SATB2: variants seen among roughly 807,000 people sequenced by gnomAD.
SATB2 encodes the protein DNA-binding protein SATB2.
In SATB2, 1 loss-of-function variant was observed where a neutral mutation model predicts 73.4. The observed-to-expected ratio is 0.01, with a 90% CI of 0.00 to 0.06. The LOEUF is 0.06. SATB2 is among the 10% of genes least tolerant of loss of function. SATB2 has a pLI of 1.00. For synonymous variants in SATB2, 397 were observed against 367.0 expected (o/e 1.08, Z -0.93); for missense variants, 459 against 945.8 (o/e 0.49, Z 6.75).
Position 199,270,084 on chromosome 2 carries a change from C to T in SATB2, c.*2127G>A, listed in dbSNP as rs755293542. 1.3e-5 allele frequency: 2 copies of T among 152,674 alleles called. No homozygotes were observed. The highest frequency in any genetic ancestry group is 2.9e-5 in the Non-Finnish European group (2 of 68,010). The allele number at this position is 152,674 out of a possible 1,614,324, so 9.5% of individuals were successfully genotyped here. On this transcript the variant is annotated 3_prime_UTR_variant, in exon 11 of 11. Transcript: ENST00000417098. ...AGAAGACAATTTGGAAAGAGTAACT[C>T]GGAGATCAGGAAGCAGCAACCATGG...
chr2:199,420,164 A>T (rs1438725901), intron 3 of SATB2, among the ~76,000 whole-genome samples: 5 of 152,184 alleles, frequency 3.3e-5, no homozygotes, highest in African/African-American at 4.8e-5. Flanking sequence ...TATGTCACTT[A>T]GCCCATCTGT....
chr2:199,427,981 A>T (rs1299958625), intron 3 of SATB2, among the ~76,000 whole-genome samples: 1 of 152,090 alleles, frequency 6.6e-6, no homozygotes, highest in Non-Finnish European at 1.5e-5. Flanking sequence ...TTTGGTTTCA[A>T]ATCTTTTTTA....
At position 199,382,804 on chromosome 2, in the gene SATB2, T is replaced by C. The variant is rs544231851; in HGVS notation, c.347-984A>G. On this transcript the variant is annotated intron_variant, in intron 3 of 10. Coordinates refer to ENST00000417098, the MANE Select transcript of SATB2 (RefSeq NM_001172509.2). ...CCAGGATGTCAGAAATTGCCACACA[T>C]AAAAAGCAGTGATGCTTTAGTGATA... Among the ~76,000 whole-genome samples the C allele has an allele frequency of 6.6e-5, 10 of 152,296 alleles. No homozygotes were observed. In the East Asian group the frequency reaches 1.5e-3, roughly 24 times the overall value.
intron 2 of SATB2, among the ~76,000 whole-genome samples, chr2:199,451,698 G>A (rs1003729505): frequency 2.0e-5 from 3 of 151,942 alleles, no homozygotes; most frequent in African/African-American, 7.2e-5. Context: ...CACCTGACCC[G>A]AACTGCATTT....
intron 3 of SATB2, among the ~76,000 whole-genome samples, chr2:199,392,847 T>C (rs1309736376): frequency 2.0e-5 from 3 of 152,214 alleles, no homozygotes; most frequent in South Asian, 2.1e-4. Context: ...TGTATAAACA[T>C]ATGTTGGCAT....
intron 10 of SATB2, among the ~76,000 whole-genome samples, chr2:199,303,973 G>C (rs1384624200): frequency 6.6e-6 from 1 of 152,168 alleles, no homozygotes; most frequent in Non-Finnish European, 1.5e-5. Flanking sequence ...AAGCACAAAT[G>C]ACACAGAGAG....
In SATB2 at chr2:199,433,327, G is replaced by A. The variant is rs1318246381; in HGVS notation, c.346+11C>T. 1 of 1,611,994 alleles carries A rather than the reference G, an allele frequency of 6.2e-7. No individual in the cohort carries two copies. The highest frequency in any genetic ancestry group is 1.7e-5 in the Admixed American group (1 of 59,992). On this transcript the variant is annotated intron_variant, in intron 3 of 10. Transcript: ENST00000417098. ...AAGAGACTTGGGAGGAGAGGGGAGA[G>A]GCATTAATACCTTGGGCCTGGGCCG...
chr2:199,372,749 A>G (rs1335820590), intron 5 of SATB2, among the ~76,000 whole-genome samples: 2 of 152,212 alleles, frequency 1.3e-5, no homozygotes, highest in East Asian at 1.9e-4. Flanking sequence ...TAGACAAAAC[A>G]AAAAACAAGG....
chr2:199,358,896 T>C (rs1474514123), intron 6 of SATB2, among the ~76,000 whole-genome samples: 1 of 152,202 alleles, frequency 6.6e-6, no homozygotes, highest in Admixed American at 6.5e-5. Context: ...ATTGTCCCTT[T>C]TGGTTTCAAA....
At chr2:199,364,722 A>C (rs1396408432) in intron 6 of SATB2, among the ~76,000 whole-genome samples, 1 of 152,170 alleles carries the variant, frequency 6.6e-6, no homozygotes, top group Non-Finnish European at 1.5e-5. Flanking sequence ...AGGCATATTA[A>C]ATAATTGGGA....
At chr2:199,391,120 T>G (rs909018246) in intron 3 of SATB2, among the ~76,000 whole-genome samples, 1 of 152,168 alleles carries the variant, frequency 6.6e-6, no homozygotes, top group Admixed American at 6.5e-5. Flanking sequence ...GCTTTTGGTT[T>G]GAAGATTTTG....
At chr2:199,280,106 A>T (rs1355724413) in intron 10 of SATB2, among the ~76,000 whole-genome samples, 1 of 152,198 alleles carries the variant, frequency 6.6e-6, no homozygotes, top group Non-Finnish European at 1.5e-5. Context: ...GTGGATTGTG[A>T]AGATTTCATG....
chr2:199,353,148 CTTTTTT>C (rs11369554), intron 6 of SATB2, among the ~76,000 whole-genome samples: 15 of 88,028 alleles, frequency 1.7e-4, no homozygotes, highest in Admixed American at 3.5e-4. Flanking sequence ...ACGTTTTTGT[CTTTTTT>C]TTTTTTTTTT....
At chr2:199,333,231 A>G (rs1464488924) in intron 7 of SATB2, among the ~76,000 whole-genome samples, 1 of 152,040 alleles carries the variant, frequency 6.6e-6, no homozygotes, top group South Asian at 2.1e-4. Context: ...AGGGATGAAG[A>G]GACTTAATAA....
intron 7 of SATB2, among the ~76,000 whole-genome samples, chr2:199,339,369 T>A (rs1295878890): frequency 1.3e-5 from 2 of 152,214 alleles, no homozygotes; most frequent in African/African-American, 4.8e-5. Flanking sequence ...GAATTCAAGC[T>A]AGTGATCCTG....
intron 3 of SATB2, among the ~76,000 whole-genome samples, chr2:199,427,716 G>A (rs1032462350): frequency 2.6e-5 from 4 of 151,948 alleles, no homozygotes; most frequent in African/African-American, 7.3e-5. Flanking sequence ...CAAGTCTCTC[G>A]AATTTGTATA....
chr2:199,458,605 G>GCGGCGA (rs1307794331), upstream of SATB2: 2 of 433,992 alleles, frequency 4.6e-6, no homozygotes, highest in Non-Finnish European at 9.2e-6. Flanking sequence ...CGCGGAGGCG[G>GCGGCGA]CGGCGACAAG....
intron 5 of SATB2, among the ~76,000 whole-genome samples, chr2:199,372,640 C>T (rs1231238673): frequency 6.6e-6 from 1 of 151,738 alleles, no homozygotes; most frequent in Non-Finnish European, 1.5e-5. Flanking sequence ...TTTCATGGAT[C>T]TCTTAAGAAG....
chr2:199,313,966 T>A (rs1687661907), intron 9 of SATB2, among the ~76,000 whole-genome samples: 1 of 152,206 alleles, frequency 6.6e-6, no homozygotes, highest in Non-Finnish European at 1.5e-5. Context: ...TTCATGCTTC[T>A]GCCATGTTAC....
Sources: allele counts gnomAD v4.1 joint callset (sites outside exome capture counted in the v4.1 genomes callset), GRCh38; gene constraint gnomAD v4.1.1; transcripts MANE v1.5; gene names NCBI Gene and HGNC (gene_info 2026-07-23, HGNC 2026-07-21).